PALM2AKAP2: variants seen among roughly 807,000 people sequenced by gnomAD.
PALM2AKAP2 encodes PALM2 and AKAP2 fusion, also known as PALM2-AKAP2 fusion protein.
PALM2AKAP2 carries 37 observed loss-of-function variants against 71.5 expected under a neutral mutation model. The observed-to-expected ratio is 0.52, with a 90% CI of 0.40 to 0.68. PALM2AKAP2 has a LOEUF of 0.68. Ranked by LOEUF, PALM2AKAP2 falls within the 30% of genes least tolerant of loss-of-function variation. The probability of loss-of-function intolerance (pLI) is 0.00; values close to 1 mark genes in which losing one functional copy is unlikely to be tolerated. For synonymous variants in PALM2AKAP2, 468 were observed against 478.8 expected, an observed-to-expected ratio of 0.98 and a Z score of 0.29; for missense variants, 1,224 against 1,191.8, an observed-to-expected ratio of 1.03 and a Z score of -0.40.
intron 1 of PALM2AKAP2, among the ~76,000 whole-genome samples, chr9:109,821,465 G>A (rs1271081586): frequency 6.6e-6 from 1 of 152,038 alleles, no homozygotes; most frequent in South Asian, 2.1e-4. Flanking sequence ...GAGCTACTGG[G>A]GTCTACCTCA....
At chr9:109,747,755 C>G (rs1431373435) in intron 1 of PALM2AKAP2, among the ~76,000 whole-genome samples, 1 of 152,084 alleles carries the variant, frequency 6.6e-6, no homozygotes, top group Non-Finnish European at 1.5e-5. Context: ...CTGCAACCTC[C>G]ACATCCCAGA....
intron 1 of PALM2AKAP2, among the ~76,000 whole-genome samples, chr9:109,804,598 T>G (rs932188977): frequency 6.6e-6 from 1 of 152,228 alleles, no homozygotes; most frequent in Non-Finnish European, 1.5e-5. Context: ...CCTGCTAGTC[T>G]TCTATTACGT....
chr9:109,663,383 T>G (rs1266978352), intron 1 of PALM2AKAP2, among the ~76,000 whole-genome samples: 4 of 152,238 alleles, frequency 2.6e-5, no homozygotes, highest in African/African-American at 9.6e-5. Flanking sequence ...TCTGGTACAC[T>G]GTGTCTTTGT....
chr9:109,776,450 G>A (rs546512697), upstream of PALM2AKAP2, among the ~76,000 whole-genome samples: 5 of 152,274 alleles, frequency 3.3e-5, no homozygotes, highest in Admixed American at 1.3e-4. Flanking sequence ...GAGATGGAAC[G>A]TCCAAAGAAG....
chr9:110,143,411 C>CA (rs10638600), intron 2 of PALM2AKAP2, among the ~76,000 whole-genome samples: 12,730 of 68,812 alleles, frequency 0.18, 1,263 homozygotes, highest in Middle Eastern at 0.27. Context: ...AGCAAAGTGC[C>CA]AAAAAAAAAA....
At chr9:110,099,994 A>G (rs1437255873) in intron 1 of PALM2AKAP2, among the ~76,000 whole-genome samples, 1 of 137,666 alleles carries the variant, frequency 7.3e-6, no homozygotes, top group African/African-American at 3.0e-5. Flanking sequence ...CACACATATA[A>G]CATGCATATA....
At chr9:109,946,786 T>C (rs1204253671) in intron 6 of PALM2AKAP2, 1 of 151,018 alleles carries the variant, frequency 6.6e-6, no homozygotes, top group African/African-American at 2.4e-5. Context: ...CTCATTTGTA[T>C]ACAAATAGAT....
At chr9:109,829,972 A>G (rs546205651) in intron 1 of PALM2AKAP2, among the ~76,000 whole-genome samples, 1 of 152,316 alleles carries the variant, frequency 6.6e-6, no homozygotes, top group Non-Finnish European at 1.5e-5. Context: ...CTCCATCCAT[A>G]TGCCCCAGGA....
chr9:110,025,375 A>C, intron 7 of PALM2AKAP2: 1 of 932,294 alleles, frequency 1.1e-6, no homozygotes. Context: ...GAATTACTGG[A>C]AGATGGAGGT....
At position 109,845,216 on chromosome 9, in the gene PALM2AKAP2, T is replaced by C. The variant is rs180824532; in HGVS notation, c.46-22275T>C. 9.6e-3 allele frequency among the ~76,000 whole-genome samples: 1,466 copies of C among 152,308 alleles called. 11 individuals carry two copies. Among genetic ancestry groups the C allele is most frequent in the Non-Finnish European group, 0.016 (1,108 of 68,030 alleles). On this transcript the variant is annotated intron_variant, in intron 1 of 9. Transcript: ENST00000302798. ...GGAGCTTCTAGGCCCAGACTTTTGC[T>C]TTGTTTCTCACCATGTGCTGTGTCA...
intron 6 of PALM2AKAP2, among the ~76,000 whole-genome samples, chr9:110,011,014 AATATAT>A (rs1554737804): frequency 2.9e-5 from 2 of 69,588 alleles, no homozygotes; most frequent in East Asian, 3.5e-4. Flanking sequence ...AAAAAAAAAA[AATATAT>A]ATATATATAT....
chr9:110,117,586 A>G (rs1343613255), intron 1 of PALM2AKAP2, among the ~76,000 whole-genome samples: 1 of 152,202 alleles, frequency 6.6e-6, no homozygotes, highest in Non-Finnish European at 1.5e-5. Context: ...TAATTTATAA[A>G]GAATAGAGAT....
intron 6 of PALM2AKAP2, among the ~76,000 whole-genome samples, chr9:109,966,217 A>G (rs963342797): frequency 2.2e-4 from 34 of 152,230 alleles, no homozygotes; most frequent in Non-Finnish European, 7.3e-5. Context: ...GAATGGTGCC[A>G]TACCAGAGGT....
chr9:110,046,537 C>T (rs1028265622), upstream of PALM2AKAP2, among the ~76,000 whole-genome samples: 10 of 146,392 alleles, frequency 6.8e-5, no homozygotes, highest in Non-Finnish European at 1.0e-4. Flanking sequence ...GGCACGATCT[C>T]GGCTCACTGC....
intron 2 of PALM2AKAP2, among the ~76,000 whole-genome samples, chr9:110,147,639 G>T (rs1278878521): frequency 6.6e-6 from 1 of 152,120 alleles, no homozygotes; most frequent in East Asian, 1.9e-4. Flanking sequence ...TGAATTTAGT[G>T]GTGTGTACCT....
At chr9:109,826,657 A>G (rs1453688369) in intron 1 of PALM2AKAP2, among the ~76,000 whole-genome samples, 3 of 152,218 alleles carry the variant, frequency 2.0e-5, no homozygotes, top group African/African-American at 7.2e-5. Flanking sequence ...GTTTACTTAA[A>G]TAATTGGAAG....
chr9:109,643,625 A>G (rs981757434), intron 1 of PALM2AKAP2, among the ~76,000 whole-genome samples: 2 of 152,128 alleles, frequency 1.3e-5, no homozygotes, highest in Non-Finnish European at 2.9e-5. Flanking sequence ...GCTCCACAGG[A>G]TCCAAATTAC....
At chr9:109,672,486 C>A (rs975690955) in intron 1 of PALM2AKAP2, among the ~76,000 whole-genome samples, 23 of 152,094 alleles carry the variant, frequency 1.5e-4, no homozygotes, top group Non-Finnish European at 2.9e-4. Context: ...TTTTGATGTG[C>A]TGCTGGATTT....
intron 1 of PALM2AKAP2, among the ~76,000 whole-genome samples, chr9:109,685,580 C>A (rs1465416165): frequency 7.2e-5 from 11 of 151,986 alleles, no homozygotes; most frequent in Admixed American, 6.6e-4. Context: ...AGAATTCTGT[C>A]ATATATATAT....
Sources: allele counts gnomAD v4.1 joint callset (sites outside exome capture counted in the v4.1 genomes callset), GRCh38; gene constraint gnomAD v4.1.1; transcripts MANE v1.5; gene names NCBI Gene and HGNC (gene_info 2026-07-23, HGNC 2026-07-21).